The following ULK4 variants were observed in gnomAD, a reference collection of about 807,000 sequenced individuals.
The protein encoded by ULK4 is inactive serine/threonine-protein kinase ULK4.
ULK4 carries 133 observed loss-of-function variants against 160.6 expected under a neutral mutation model. The observed-to-expected ratio is 0.83, with a 90% CI of 0.72 to 0.96. ULK4 has a LOEUF of 0.96. Among genes scored for constraint, ULK4 ranks in the 40% least tolerant of loss-of-function variants. ULK4 has a pLI of 0.00. For missense variants in ULK4, 1,580 were observed against 1,499.5 expected, an observed-to-expected ratio of 1.05 and a Z score of -0.89; for synonymous variants, 534 against 539.8, an observed-to-expected ratio of 0.99 and a Z score of 0.15.
intron 20 of ULK4, among the ~76,000 whole-genome samples, chr3:41,796,028 C>T (rs770584603): frequency 2.6e-5 from 4 of 152,120 alleles, no homozygotes; most frequent in Non-Finnish European, 4.4e-5. Flanking sequence ...ATGCTCCTTC[C>T]TAACCTTCCC....
rs150078436 is a variant in ULK4, at chr3:41,945,783, C to T, written c.139-7586G>A. ...AGTGGGCACCCAAAATTAAAATGCC[C>T]GAATCCATTCTTTTCCTAGTCTTTT... On this transcript the variant is annotated intron_variant, in intron 2 of 36. Coordinates refer to ENST00000301831, the MANE Select transcript of ULK4 (RefSeq NM_017886.4). Among the ~76,000 whole-genome samples, 1,297 of 152,250 alleles carry T rather than the reference C, an allele frequency of 8.5e-3. 17 individuals are homozygous for T. The highest frequency in any genetic ancestry group is 0.03 in the African/African-American group (1,247 of 41,542).
chr3:41,855,543 G>A (rs1366143005), intron 17 of ULK4, among the ~76,000 whole-genome samples: 1 of 152,082 alleles, frequency 6.6e-6, no homozygotes, highest in East Asian at 1.9e-4. Context: ...TTAAAATTGG[G>A]TCCTTTAGAT....
At chr3:41,961,658 G>A (rs2148853046) in intron 1 of ULK4, among the ~76,000 whole-genome samples, 1 of 151,842 alleles carries the variant, frequency 6.6e-6, no homozygotes, top group African/African-American at 2.4e-5. Flanking sequence ...CCGGCTGGGA[G>A]CCTAGGAAGC....
rs555365505 is a variant in ULK4, at chr3:41,530,526, T to C, written c.3226+35499A>G. On this transcript the variant is annotated intron_variant, in intron 32 of 36. Coordinates refer to ENST00000301831, the MANE Select transcript of ULK4 (RefSeq NM_017886.4). ...CTGTACTAGAACCCAACTTTATTGG[T>C]CCATTGGAGCTACCCCCGCCTAAAC... Among the ~76,000 whole-genome samples the C allele has an allele frequency of 2.6e-5, 4 of 152,068 alleles. No homozygotes were observed. The South Asian group carries it at 6.2e-4, about 24-fold the overall frequency.
intron 32 of ULK4, among the ~76,000 whole-genome samples, chr3:41,495,304 C>T (rs1367169009): frequency 2.0e-5 from 3 of 152,048 alleles, no homozygotes; most frequent in South Asian, 2.1e-4. Context: ...CTCTGACAAA[C>T]CTGACAAAAA....
At chr3:41,674,121 T>C (rs1402127144) in intron 29 of ULK4, among the ~76,000 whole-genome samples, 1 of 152,168 alleles carries the variant, frequency 6.6e-6, no homozygotes, top group Admixed American at 6.5e-5. Flanking sequence ...CAAATTATAT[T>C]TACACTCATA....
chr3:41,506,559 C>T (rs1404557355), intron 32 of ULK4, among the ~76,000 whole-genome samples: 1 of 151,494 alleles, frequency 6.6e-6, no homozygotes, highest in Non-Finnish European at 1.5e-5. Context: ...GCTTCACTTC[C>T]TTTTTGGAAT....
At position 41,882,381 on chromosome 3, in the gene ULK4, C is replaced by T. The variant is rs140699985; in HGVS notation, c.1656+1493G>A. The T allele has an allele frequency of 8.3e-5, 55 of 664,514 alleles. No homozygotes were observed. In the African/African-American group the frequency reaches 8.8e-4, roughly 11 times the overall value. 41.2% of individuals were successfully genotyped at this position (664,514 alleles called of 1,614,324 possible). On this transcript the variant is annotated intron_variant, in intron 17 of 36. Transcript: ENST00000301831. Reference sequence around the variant, plus strand: ...TGGGGTTTGGAAATTACAGGGTGGTCGTAGTATTCTTTTCTATAAGTTGAT... The same window carrying T: ...TGGGGTTTGGAAATTACAGGGTGGTTGTAGTATTCTTTTCTATAAGTTGAT...
intron 32 of ULK4, among the ~76,000 whole-genome samples, chr3:41,467,697 T>C (rs932461736): frequency 2.6e-5 from 4 of 151,996 alleles, no homozygotes; most frequent in African/African-American, 4.8e-5. Flanking sequence ...GACAGACAGA[T>C]TGCAAAAATT....
chr3:41,435,772 C>T (rs2083019441), intron 34 of ULK4, among the ~76,000 whole-genome samples: 1 of 152,036 alleles, frequency 6.6e-6, no homozygotes, highest in African/African-American at 2.4e-5. Context: ...CATAGTGAAA[C>T]CCTATCTCTA....
At chr3:41,376,516 T>C (rs2081500136) in intron 35 of ULK4, among the ~76,000 whole-genome samples, 1 of 149,936 alleles carries the variant, frequency 6.7e-6, no homozygotes, top group Non-Finnish European at 1.5e-5. Flanking sequence ...GATAAGCAAT[T>C]TCAGCAAAGT....
intron 5 of ULK4, among the ~76,000 whole-genome samples, chr3:41,930,780 C>T (rs975386343): frequency 6.6e-6 from 1 of 152,112 alleles, no homozygotes; most frequent in Admixed American, 6.6e-5. Context: ...CAAATCAAAA[C>T]CACAATGAGA....
chr3:41,526,682 TG>T (rs1460833652), intron 32 of ULK4, among the ~76,000 whole-genome samples: 1 of 152,086 alleles, frequency 6.6e-6, no homozygotes, highest in Non-Finnish European at 1.5e-5. Context: ...AGCACTTGTT[TG>T]GGGGGTGGAG....
chr3:41,786,676 C>A (rs1188041389), intron 21 of ULK4, among the ~76,000 whole-genome samples: 3 of 149,690 alleles, frequency 2.0e-5, no homozygotes, highest in Non-Finnish European at 3.0e-5. Context: ...AAAATAGAAT[C>A]TTGAACTCTA....
chr3:41,600,169 C>T (rs2031968462), intron 31 of ULK4, among the ~76,000 whole-genome samples: 1 of 152,168 alleles, frequency 6.6e-6, no homozygotes, highest in Admixed American at 6.5e-5. Flanking sequence ...ACCCAGTCTA[C>T]ATTCCATCCA....
intron 2 of ULK4, among the ~76,000 whole-genome samples, chr3:41,948,460 G>A (rs947911674): frequency 6.6e-6 from 1 of 152,004 alleles, no homozygotes; most frequent in Non-Finnish European, 1.5e-5. Flanking sequence ...TCAAAAAAAA[G>A]AAAGAGTGTT....
intron 32 of ULK4, among the ~76,000 whole-genome samples, chr3:41,480,497 T>C (rs1167225496): frequency 6.6e-6 from 1 of 152,132 alleles, no homozygotes; most frequent in African/African-American, 2.4e-5. Context: ...TCCTCTTCCC[T>C]GTCCTCCTCA....
At chr3:41,902,461 C>G (rs1417868830) in intron 12 of ULK4, among the ~76,000 whole-genome samples, 1 of 151,708 alleles carries the variant, frequency 6.6e-6, no homozygotes, top group Non-Finnish European at 1.5e-5. Flanking sequence ...GCCTGTAATC[C>G]CAGCTACTTA....
intron 32 of ULK4, among the ~76,000 whole-genome samples, chr3:41,499,623 A>C (rs1006687989): frequency 1.4e-4 from 21 of 152,192 alleles, no homozygotes; most frequent in Non-Finnish European, 8.8e-5. Flanking sequence ...TTTGACTTTA[A>C]CTGGCAAATA....
Sources: gnomAD v4.1 joint callset for allele counts (sites outside exome capture counted in the v4.1 genomes callset) on GRCh38, gnomAD v4.1.1 for gene constraint, MANE v1.5 for transcripts, NCBI Gene and HGNC (gene_info 2026-07-23, HGNC 2026-07-21) for gene names.